KIF26A: variants seen among roughly 807,000 people sequenced by gnomAD.
KIF26A encodes kinesin-like protein KIF26A.
Under a neutral mutation model 126.0 loss-of-function variants are expected in KIF26A, and 74 were observed. The observed-to-expected ratio is 0.59, with a 90% CI of 0.49 to 0.71. The LOEUF is 0.71. Among genes scored for constraint, KIF26A ranks in the 30% least tolerant of loss-of-function variants. KIF26A has a pLI of 0.00. For synonymous variants in KIF26A, 1,445 were observed against 1,232.7 expected (o/e 1.17, Z -3.61); for missense variants, 2,984 against 2,763.3 (o/e 1.08, Z -1.79).
At position 104,157,971 on chromosome 14, in the gene KIF26A, T is replaced by C. The variant is rs574460245; in HGVS notation, c.923+29T>C. 1.0e-5 allele frequency: 15 copies of C among 1,469,650 alleles called. No individual in the cohort carries two copies. The South Asian group carries it at 1.7e-4, about 17-fold the overall frequency. 91.0% of individuals were successfully genotyped at this position (1,469,650 alleles called of 1,614,324 possible). A position where few individuals can be genotyped will look rare whatever the true frequency, so the allele number is the denominator to read the frequency against. ...TGTCCTGGGGCTTCCTGGGCAGCCT[T>C]GTGGGCAGGGCCCCATGGCCCCGGC... On this transcript the variant is annotated intron_variant, in intron 4 of 14. Coordinates refer to ENST00000423312, the MANE Select transcript of KIF26A (RefSeq NM_015656.2).
Position 104,173,770 on chromosome 14 carries a change from G to C in KIF26A, c.1932G>C (p.Arg644Ser). The C allele has an allele frequency of 3.1e-6, 5 of 1,608,744 alleles. No individual in the cohort carries two copies. Among genetic ancestry groups the C allele is most frequent in the Non-Finnish European group, 4.2e-6 (5 of 1,179,412 alleles). Residue 644 changes from arginine (R) to serine (S), a missense_variant, in exon 10 of 15, where the codon AGG (arginine) becomes AGC (serine). Physicochemically the swap from Arg to Ser is moderately radical, Grantham distance 110. Transcript: ENST00000423312. The stretch of plus-strand genomic sequence containing the variant: ...GCAGCTGTGAGGCGGCGGCTGGCAG[G>C]GCCGGGGAGGCTGCTGGGGGTCCCC... ...DLGSCEAAAG[R>S]AGEAAGGPLC...
intron 5 of KIF26A, among the ~76,000 whole-genome samples, chr14:104,169,819 A>C (rs1566862617): frequency 6.6e-6 from 1 of 152,198 alleles, no homozygotes. Flanking sequence ...TCTCCCAGGC[A>C]GCTATTCCGT....
intron 3 of KIF26A, among the ~76,000 whole-genome samples, chr14:104,154,075 C>T (rs774439480): frequency 6.6e-6 from 1 of 152,212 alleles, no homozygotes; most frequent in Non-Finnish European, 1.5e-5. Flanking sequence ...GGTAATTTCC[C>T]CTGAACCAGG....
chr14:104,177,224 C>T lies in KIF26A; in HGVS notation c.4436C>T (p.Ala1479Val), dbSNP rs776978162. 5 of 1,596,902 alleles carry T rather than the reference C, an allele frequency of 3.1e-6. No individual in the cohort carries two copies. The South Asian group carries it at 5.5e-5, about 18-fold the overall frequency. Residue 1479 changes from alanine (A) to valine (V), a missense_variant, in exon 12 of 15, where the codon GCC (alanine) becomes GTC (valine). Coordinates refer to ENST00000423312, the MANE Select transcript of KIF26A (RefSeq NM_015656.2). ...AGCCCCACACACGGTCCAGCTCCCGCCTGTAGGAGCGGCGCAGCCAAGGCT... is the reference window on the plus strand; with the variant it reads ...AGCCCCACACACGGTCCAGCTCCCGTCTGTAGGAGCGGCGCAGCCAAGGCT... ...PSSPTHGPAPACRSGAAKAVG... is the reference protein window; with the variant it reads ...PSSPTHGPAPVCRSGAAKAVG...
chr14:104,164,202 CTG>C (rs1343628029), intron 4 of KIF26A, among the ~76,000 whole-genome samples: 1 of 151,358 alleles, frequency 6.6e-6, no homozygotes, highest in Non-Finnish European at 1.5e-5. Context: ...TCCTTCCACA[CTG>C]GGGTCAGTTT....
At position 104,179,449 on chromosome 14, in the gene KIF26A, C is replaced by G. The variant is rs898974273; in HGVS notation, c.5467+63C>G. On this transcript the variant is annotated intron_variant, in intron 14 of 14. Coordinates refer to ENST00000423312, the MANE Select transcript of KIF26A (RefSeq NM_015656.2). ...CGTGTGCCCTGACAGCTGCCCTCCCCTCCCAGAGCCCTGTTGCTCTCCTGT... is the reference window on the plus strand; with the variant it reads ...CGTGTGCCCTGACAGCTGCCCTCCCGTCCCAGAGCCCTGTTGCTCTCCTGT... 7.6e-6 allele frequency: 11 copies of G among 1,445,166 alleles called. No homozygotes were observed. The East Asian group carries it at 2.8e-4, about 37-fold the overall frequency. 89.5% of individuals were successfully genotyped at this position (1,445,166 alleles called of 1,614,324 possible). A position where few individuals can be genotyped will look rare whatever the true frequency, so the allele number is the denominator to read the frequency against.
Position 104,173,874 on chromosome 14 carries a change from T to A in KIF26A, c.2030+6T>A. Reference sequence around the variant, plus strand: ...GCCAAGCATGTGCCGTATCGGTGAGTGTAGGGCCTGGGCAGGTGCCGACCA... The same window carrying A: ...GCCAAGCATGTGCCGTATCGGTGAGAGTAGGGCCTGGGCAGGTGCCGACCA... On this transcript the variant is annotated splice_donor_region_variant and intron_variant, in intron 10 of 14. Coordinates refer to ENST00000423312, the MANE Select transcript of KIF26A (RefSeq NM_015656.2). 1 of 1,577,568 alleles carries A rather than the reference T, an allele frequency of 6.3e-7. No homozygotes were observed. Among genetic ancestry groups the A allele is most frequent in the Non-Finnish European group, 8.6e-7 (1 of 1,165,712 alleles).
chr14:104,153,194 G>T (rs1302482704), intron 3 of KIF26A, among the ~76,000 whole-genome samples: 1 of 152,124 alleles, frequency 6.6e-6, no homozygotes. Flanking sequence ...GAGGTGGCCT[G>T]TCTGGACATC....
Position 104,171,764 on chromosome 14 carries a change from G to A in KIF26A, c.1155G>A (p.Gln385=). The A allele has an allele frequency of 1.9e-6, 3 of 1,580,648 alleles. No individual in the cohort carries two copies. In the South Asian group the frequency reaches 3.5e-5, roughly 18 times the overall value. ...MLRIWPAQGA[Q]RSAEAMSFLK... is the part of the protein sequence containing the mutation. The stretch of plus-strand genomic sequence containing the variant: ...GGATCTGGCCCGCACAGGGGGCCCA[G>A]CGCTCGGCCGAGGCCATGTCCTTCC... The change falls in exon 6 of 15, where the codon CAG becomes CAA. Residue 385 remains glutamine, a synonymous_variant. Transcript: ENST00000423312.
At position 104,173,863 on chromosome 14, in the gene KIF26A, G is replaced by T; in HGVS notation, c.2025G>T (p.Pro675=). ...LALVNGAKHV[P]YRDHRLTMLL... ...TGGTCAACGGAGCCAAGCATGTGCC[G>T]TATCGGTGAGTGTAGGGCCTGGGCA... Residue 675 remains proline (P), a synonymous_variant, in exon 10 of 15, where the codon CCG becomes CCT. Transcript: ENST00000423312. 1 of 1,589,774 alleles carries T rather than the reference G, an allele frequency of 6.3e-7. No homozygotes were observed. The highest frequency in any genetic ancestry group is 8.5e-7 in the Non-Finnish European group (1 of 1,173,278).
At chr14:104,140,047 C>G (rs997309985) in intron 2 of KIF26A, among the ~76,000 whole-genome samples, 3 of 152,168 alleles carry the variant, frequency 2.0e-5, no homozygotes, top group African/African-American at 7.2e-5. Context: ...CCAGAGGAAG[C>G]CCGCTGCCGG....
intron 4 of KIF26A, 23 bp downstream of exon 4, chr14:104,157,965 C>A (rs1332541213): frequency 6.8e-7 from 1 of 1,475,792 alleles, no homozygotes; most frequent in Non-Finnish European, 9.0e-7. Flanking sequence ...GCTTCCTGGG[C>A]AGCCTTGTGG....
intron 3 of KIF26A, among the ~76,000 whole-genome samples, chr14:104,154,090 C>T (rs1289834942): frequency 2.0e-5 from 3 of 152,200 alleles, no homozygotes; most frequent in East Asian, 1.9e-4. Context: ...ACCAGGGCAT[C>T]GATCATTAGC....
intron 4 of KIF26A, among the ~76,000 whole-genome samples, chr14:104,165,333 CTGTG>C (rs376560899): frequency 7.9e-5 from 11 of 139,722 alleles, no homozygotes; most frequent in Admixed American, 1.4e-4. Flanking sequence ...ATGTGTGCGT[CTGTG>C]TGTCTGTATC....
In KIF26A at chr14:104,173,693, C is replaced by G; in HGVS notation, c.1868-13C>G. The G allele has an allele frequency of 6.2e-7, 1 of 1,610,144 alleles. No individual in the cohort carries two copies. Among genetic ancestry groups the G allele is most frequent in the South Asian group, 1.1e-5 (1 of 90,808 alleles). ...CCTGGCTACACCATCATTTGCTTGC[C>G]TTGTGGTTCCAGTGTCCGGAGGCCG... On this transcript the variant is annotated splice_polypyrimidine_tract_variant and intron_variant, in intron 9 of 14. Coordinates refer to ENST00000423312, the MANE Select transcript of KIF26A (RefSeq NM_015656.2).
intron 11 of KIF26A, 144 bp downstream of exon 11, chr14:104,174,454 G>C (rs1784981249): frequency 1.1e-6 from 1 of 909,750 alleles, no homozygotes; most frequent in Non-Finnish European, 1.5e-6. Flanking sequence ...ATGTCATGAG[G>C]CTATGCCCAT....
Position 104,148,777 on chromosome 14 carries a change from G to C in KIF26A, c.289-3238G>C, listed in dbSNP as rs143589575. On this transcript the variant is annotated intron_variant, in intron 2 of 14. Transcript: ENST00000423312. The surrounding 1 kb of genome is among the most constrained non-coding windows in gnomAD (Gnocchi z 4.3). ...GCAGTCAGTGGTGTGGGAGACCCTC[G>C]CCTTCACCTTCTGGGGCCCAAGATG... 6.6e-6 allele frequency among the ~76,000 whole-genome samples: 1 copy of C among 152,116 alleles called. No homozygotes were observed. The highest frequency in any genetic ancestry group is 2.4e-5 in the African/African-American group (1 of 41,410).
intron 3 of KIF26A, among the ~76,000 whole-genome samples, chr14:104,156,387 G>A (rs1255441043): frequency 1.3e-5 from 2 of 152,272 alleles, no homozygotes; most frequent in African/African-American, 4.8e-5. Context: ...GTGTGCTGGC[G>A]CAATGTCCAG....
At chr14:104,162,226 G>A (rs1470066497) in intron 4 of KIF26A, among the ~76,000 whole-genome samples, 6 of 152,214 alleles carry the variant, frequency 3.9e-5, no homozygotes, top group South Asian at 2.1e-4. Flanking sequence ...GCCTGTTGGC[G>A]ATGGGCCCCA....
Sources: gnomAD v4.1 joint callset for allele counts (sites outside exome capture counted in the v4.1 genomes callset) on GRCh38, gnomAD v4.1.1 for gene constraint, Gnocchi (gnomAD v3.1) non-coding constraint, MANE v1.5 for transcripts, NCBI Gene and HGNC (gene_info 2026-07-23, HGNC 2026-07-21) for gene names.